YIPF1: variants seen among roughly 807,000 people sequenced by gnomAD.
The protein encoded by YIPF1 is Yip1 domain family member 1.
YIPF1 carries 22 observed loss-of-function variants against 37.0 expected under a neutral mutation model. The observed-to-expected ratio is 0.59, with a 90% CI of 0.42 to 0.85. YIPF1 has a LOEUF of 0.85. Ranked by LOEUF, YIPF1 falls within the 40% of genes least tolerant of loss-of-function variation. YIPF1 has a pLI of 0.00. For synonymous variants in YIPF1, 128 were observed against 131.9 expected (o/e 0.97, Z 0.21); for missense variants, 355 against 373.1 (o/e 0.95, Z 0.40).
At chr1:53,861,555 T>C (rs1030407262) in intron 9 of YIPF1, among the ~76,000 whole-genome samples, 3 of 149,520 alleles carry the variant, frequency 2.0e-5, no homozygotes, top group African/African-American at 7.5e-5. Flanking sequence ...TTGGGGCTGG[T>C]GTGGTGACTC....
intron 6 of YIPF1, among the ~76,000 whole-genome samples, chr1:53,876,147 T>C (rs1416888350): frequency 6.6e-6 from 1 of 152,238 alleles, no homozygotes; most frequent in Non-Finnish European, 1.5e-5. Flanking sequence ...TTTCTCTGGT[T>C]GCAGGTGGGG....
intron 4 of YIPF1, 100 bp from the exon 5 acceptor site, chr1:53,878,822 G>A: frequency 2.7e-6 from 3 of 1,091,402 alleles, no homozygotes; most frequent in Admixed American, 6.5e-5. Context: ...AAAGCAAAAC[G>A]TTTGAAACAA....
At chr1:53,864,205 A>AGACGGGAGATGCCAGTGAGG in intron 9 of YIPF1, among the ~76,000 whole-genome samples, 1 of 152,172 alleles carries the variant, frequency 6.6e-6, no homozygotes, top group Non-Finnish European at 1.5e-5. Context: ...TTCAGAAGAG[A>AGACGGGAGATGCCAGTGAGG]GACGGGAGAT....
chr1:53,888,907 C>G lies in YIPF1; in HGVS notation c.31G>C (p.Glu11Gln), dbSNP rs866009847. 4 of 1,590,692 alleles carry G rather than the reference C, an allele frequency of 2.5e-6. No homozygotes were observed. Among genetic ancestry groups the G allele is most frequent in the Admixed American group, 1.7e-5 (1 of 59,748 alleles). The change falls in exon 3 of 11, where the codon GAA becomes CAA. Residue 11 changes from glutamate (E) to glutamine (Q), a missense_variant and splice_region_variant. By Grantham distance (29) the Glu-to-Gln change is conservative. Transcript: ENST00000072644. ...AAAGGTGGGCACCCAACTGGTATAC[C>G]TTCAAATTGCAAGTCATCTACTGCT... is the stretch of plus-strand genomic sequence containing the variant. MAAVDDLQFE[E>Q]FGNAATSLTA...
At chr1:53,863,593 C>T (rs1649942276) in intron 9 of YIPF1, among the ~76,000 whole-genome samples, 1 of 152,204 alleles carries the variant, frequency 6.6e-6, no homozygotes, top group Non-Finnish European at 1.5e-5. Context: ...GTCCAGGGCA[C>T]TCCCTGCTTC....
intron 9 of YIPF1, among the ~76,000 whole-genome samples, chr1:53,864,208 C>T (rs770863750): frequency 1.3e-5 from 2 of 152,136 alleles, no homozygotes; most frequent in Non-Finnish European, 2.9e-5. Context: ...AGAAGAGAGA[C>T]GGGAGATGCC....
At chr1:53,860,643 A>G (rs1392548792) in intron 9 of YIPF1, among the ~76,000 whole-genome samples, 1 of 152,236 alleles carries the variant, frequency 6.6e-6, no homozygotes, top group African/African-American at 2.4e-5. Flanking sequence ...TATGTAACCA[A>G]TCAATACCTA....
intron 7 of YIPF1, among the ~76,000 whole-genome samples, chr1:53,870,174 T>TTTTC: frequency 7.7e-6 from 1 of 129,180 alleles, no homozygotes; most frequent in Non-Finnish European, 1.6e-5. Context: ...TTTTTTTTTT[T>TTTTC]TTTTTTTTTT....
intron 3 of YIPF1, among the ~76,000 whole-genome samples, chr1:53,885,651 T>C (rs1242893009): frequency 6.6e-6 from 1 of 151,606 alleles, no homozygotes; most frequent in African/African-American, 2.4e-5. Flanking sequence ...TAAAAACCCA[T>C]CTCTACTAAA....
At chr1:53,869,607 G>A (rs952212671) in intron 7 of YIPF1, among the ~76,000 whole-genome samples, 1 of 152,104 alleles carries the variant, frequency 6.6e-6, no homozygotes, top group South Asian at 2.1e-4. Flanking sequence ...ACAGCCTCTC[G>A]ACAGCAGAGC....
chr1:53,881,910 T>C (rs7553929), intron 4 of YIPF1, among the ~76,000 whole-genome samples: 1 of 152,000 alleles, frequency 6.6e-6, no homozygotes, highest in African/African-American at 2.4e-5. Context: ...ACATGCACAT[T>C]TATGTTCACT....
At chr1:53,867,923 C>T (rs1213846489) in intron 7 of YIPF1, among the ~76,000 whole-genome samples, 2 of 152,218 alleles carry the variant, frequency 1.3e-5, no homozygotes, top group African/African-American at 2.4e-5. Flanking sequence ...TAGCAGCACG[C>T]CCTGGAGGAT....
At chr1:53,858,348 G>A (rs142882572) in intron 10 of YIPF1, among the ~76,000 whole-genome samples, 2 of 152,282 alleles carry the variant, frequency 1.3e-5, no homozygotes, top group African/African-American at 4.8e-5. Flanking sequence ...CCTCAACTAA[G>A]AGGGAAAATC....
chr1:53,884,168 G>C (rs916182938), intron 3 of YIPF1, among the ~76,000 whole-genome samples: 3 of 149,868 alleles, frequency 2.0e-5, no homozygotes, highest in Non-Finnish European at 4.4e-5. Flanking sequence ...CTCAGAGGTA[G>C]AGGCTGCAGT....
intron 10 of YIPF1, among the ~76,000 whole-genome samples, chr1:53,854,596 G>A (rs533951884): frequency 1.3e-5 from 2 of 152,334 alleles, no homozygotes; most frequent in South Asian, 4.1e-4. Context: ...ATGTTCCAAT[G>A]AGAAGTTCCC....
At chr1:53,888,080 G>C (rs1261961234) in intron 3 of YIPF1, among the ~76,000 whole-genome samples, 1 of 152,170 alleles carries the variant, frequency 6.6e-6, no homozygotes, top group South Asian at 2.1e-4. Flanking sequence ...ACAAAAATTA[G>C]TCGGGTGTGG....
chr1:53,882,295 C>A (rs1332691213), intron 4 of YIPF1, among the ~76,000 whole-genome samples: 1 of 152,094 alleles, frequency 6.6e-6, no homozygotes, highest in Non-Finnish European at 1.5e-5. Flanking sequence ...CAAACCTGTA[C>A]CTCCTGCACA....
chr1:53,878,960 G>C (rs1037452919), intron 4 of YIPF1, among the ~76,000 whole-genome samples: 1 of 152,134 alleles, frequency 6.6e-6, no homozygotes, highest in South Asian at 2.1e-4. Flanking sequence ...TCCACTGAGG[G>C]GAGCTTTGGC....
chr1:53,881,814 A>G (rs1176822424), intron 4 of YIPF1, among the ~76,000 whole-genome samples: 1 of 152,186 alleles, frequency 6.6e-6, no homozygotes, highest in Non-Finnish European at 1.5e-5. Context: ...TTCCTCAAAG[A>G]CCTAGAGGCA....
Sources: allele counts gnomAD v4.1 joint callset (sites outside exome capture counted in the v4.1 genomes callset), GRCh38; gene constraint gnomAD v4.1.1; transcripts MANE v1.5; gene names NCBI Gene and HGNC (gene_info 2026-07-23, HGNC 2026-07-21).